Variants in TENM2 observed in about 807,000 individuals in gnomAD.
TENM2 encodes teneurin transmembrane protein 2, also known as teneurin-2.
In TENM2, 52 loss-of-function variants were observed where a neutral mutation model predicts 245.2. The ratio of observed to expected loss-of-function variants is 0.21; its 90% CI spans 0.17 to 0.27. The LOEUF is 0.27. TENM2 is among the 10% of genes least tolerant of loss of function. The pLI is 1.00. For missense variants in TENM2, 3,046 were observed against 3,666.8 expected (o/e 0.83, Z 4.37); for synonymous variants, 1,363 against 1,438.9 (o/e 0.95, Z 1.19).
chr5:167,351,118 C>T (rs1758877480), intron 1 of TENM2, among the ~76,000 whole-genome samples: 2 of 136,056 alleles, frequency 1.5e-5, no homozygotes, highest in African/African-American at 2.7e-5. Flanking sequence ...GGGATATATA[C>T]ATATGGATAT....
intron 2 of TENM2, among the ~76,000 whole-genome samples, chr5:167,726,557 C>G (rs1398409575): frequency 6.6e-6 from 1 of 152,162 alleles, no homozygotes; most frequent in Non-Finnish European, 1.5e-5. Flanking sequence ...CTCCCAATCT[C>G]AAGCGATCTT....
At chr5:167,100,244 C>T in the TENM2 span, among the ~76,000 whole-genome samples, 1 of 152,166 alleles carries the variant, frequency 6.6e-6, no homozygotes, top group South Asian at 2.1e-4. Context: ...TTCCTCTGGT[C>T]ATCTAGCAGA....
At chr5:166,998,889 T>A in the TENM2 span, among the ~76,000 whole-genome samples, 3 of 152,090 alleles carry the variant, frequency 2.0e-5, no homozygotes, top group African/African-American at 7.2e-5. Context: ...GTCTATACTT[T>A]GCTTCAAAAT....
In TENM2 at chr5:167,820,070, T is replaced by C. The variant is rs182122723; in HGVS notation, c.503-55916T>C. On this transcript the variant is annotated intron_variant, in intron 2 of 28. Transcript: ENST00000518659. ...GTGAAGGGCATTTCCCAAACTGTTA[T>C]CTGAACCTTCCTCCCTGGAGTGTCT... 7.2e-5 allele frequency among the ~76,000 whole-genome samples: 11 copies of C among 152,304 alleles called. No homozygotes were observed. In the East Asian group the frequency reaches 1.4e-3, roughly 19 times the overall value.
At chr5:167,274,507 C>G in the TENM2 span, among the ~76,000 whole-genome samples, 1 of 151,902 alleles carries the variant, frequency 6.6e-6, no homozygotes, top group Non-Finnish European at 1.5e-5. Context: ...TTTCATTTCT[C>G]TGTGATCAAC....
exon 29 of TENM2, chr5:168,262,580 G>A (rs1306745646): frequency 1.3e-6 from 2 of 1,570,606 alleles, no homozygotes; most frequent in Middle Eastern, 1.7e-4. Context: ...CCTGGACCAG[G>A]CGAGACAGAG....
chr5:167,441,817 G>A (rs1407680032), intron 2 of TENM2, among the ~76,000 whole-genome samples: 1 of 152,104 alleles, frequency 6.6e-6, no homozygotes, highest in African/African-American at 2.4e-5. Flanking sequence ...TGCGATGATG[G>A]GTAAGGCAGT....
the TENM2 span, among the ~76,000 whole-genome samples, chr5:167,255,141 G>A: frequency 6.7e-6 from 1 of 149,846 alleles, no homozygotes; most frequent in African/African-American, 2.5e-5. Context: ...TGTGCCTTGA[G>A]CTGTACAGTC....
Position 167,834,710 on chromosome 5 carries a change from C to T in TENM2, c.503-41276C>T, listed in dbSNP as rs528651167. ...TGTAGCCCAGGCTGGAATGCAGTGG[C>T]GCGATCTCGGCTCACTGCAAGCTCC... On this transcript the variant is annotated intron_variant, in intron 2 of 28. Transcript: ENST00000518659. Among the ~76,000 whole-genome samples, 67 of 147,244 alleles carry T rather than the reference C, an allele frequency of 4.6e-4. 2 individuals are homozygous for T. In the South Asian group the frequency reaches 9.4e-3, roughly 21 times the overall value.
At chr5:167,397,927 G>A (rs576503990) in intron 2 of TENM2, among the ~76,000 whole-genome samples, 2 of 152,220 alleles carry the variant, frequency 1.3e-5, no homozygotes, top group East Asian at 3.9e-4. Context: ...CTGTGCCTAT[G>A]ACCATAGTCT....
At chr5:167,744,373 T>A (rs1343066675) in intron 2 of TENM2, among the ~76,000 whole-genome samples, 8 of 152,232 alleles carry the variant, frequency 5.3e-5, no homozygotes, top group Admixed American at 5.2e-4. Context: ...GAACAGTGCC[T>A]CTCTGGCCCC....
At chr5:167,116,013 A>G in the TENM2 span, among the ~76,000 whole-genome samples, 4 of 152,214 alleles carry the variant, frequency 2.6e-5, no homozygotes, top group African/African-American at 9.6e-5. Flanking sequence ...CTTTTAAAAT[A>G]ATTTGCACGC....
At chr5:168,021,397 T>C (rs1208122125) in intron 5 of TENM2, among the ~76,000 whole-genome samples, 2 of 152,230 alleles carry the variant, frequency 1.3e-5, no homozygotes, top group African/African-American at 4.8e-5. Context: ...GAGTGACCCA[T>C]GGTGGCTGTT....
At chr5:167,870,828 C>A (rs948961528) in intron 2 of TENM2, among the ~76,000 whole-genome samples, 1 of 151,564 alleles carries the variant, frequency 6.6e-6, no homozygotes, top group Non-Finnish European at 1.5e-5. Flanking sequence ...CATCAAATAT[C>A]CTGACATCTC....
intron 2 of TENM2, among the ~76,000 whole-genome samples, chr5:167,500,896 T>A (rs1382699933): frequency 1.3e-5 from 2 of 152,074 alleles, no homozygotes; most frequent in Non-Finnish European, 2.9e-5. Flanking sequence ...GTACTAAATG[T>A]CCTCCTTAGT....
At chr5:168,055,684 C>A (rs941013511) in intron 6 of TENM2, among the ~76,000 whole-genome samples, 1 of 152,126 alleles carries the variant, frequency 6.6e-6, no homozygotes, top group African/African-American at 2.4e-5. Flanking sequence ...ATTCACCCCC[C>A]GCAACTGAAA....
chr5:167,449,861 G>A (rs1223603976), intron 2 of TENM2, among the ~76,000 whole-genome samples: 1 of 152,186 alleles, frequency 6.6e-6, no homozygotes, highest in Non-Finnish European at 1.5e-5. Context: ...AGGAGGCTGA[G>A]GCAGGAGAAT....
intron 2 of TENM2, among the ~76,000 whole-genome samples, chr5:167,685,517 T>G (rs1437267047): frequency 1.3e-5 from 2 of 152,300 alleles, no homozygotes; most frequent in Admixed American, 6.5e-5. Flanking sequence ...GGAGGAAATG[T>G]ATTTTCAATA....
At chr5:167,310,782 G>A (rs1248103519) in intron 1 of TENM2, among the ~76,000 whole-genome samples, 1 of 152,106 alleles carries the variant, frequency 6.6e-6, no homozygotes, top group Non-Finnish European at 1.5e-5. Context: ...AATTAGTGTT[G>A]TTAATTCCCC....
Sources: gnomAD v4.1 joint callset for allele counts (sites outside exome capture counted in the v4.1 genomes callset) on GRCh38, gnomAD v4.1.1 for gene constraint, MANE v1.5 for transcripts, NCBI Gene and HGNC (gene_info 2026-07-23, HGNC 2026-07-21) for gene names.